The following PARM1 variants were observed in gnomAD, a reference collection of about 807,000 sequenced individuals.
PARM1 encodes the protein WSC4, cell wall integrity and stress response component 4 homolog.
PARM1 carries 14 observed loss-of-function variants against 24.6 expected under a neutral mutation model. The observed-to-expected ratio is 0.57, with a 90% CI of 0.38 to 0.89. The LOEUF (loss-of-function observed/expected upper bound fraction) is 0.89. PARM1 is among the 40% of genes least tolerant of loss of function. The probability of loss-of-function intolerance (pLI) is 0.00; values close to 1 mark genes in which losing one functional copy is unlikely to be tolerated. For synonymous variants in PARM1, 179 were observed against 156.6 expected (o/e 1.14, Z -1.07); for missense variants, 362 against 380.4 (o/e 0.95, Z 0.40).
At chr4:75,020,341 A>T (rs747830821) in intron 2 of PARM1, among the ~76,000 whole-genome samples, 1 of 152,084 alleles carries the variant, frequency 6.6e-6, no homozygotes, top group Non-Finnish European at 1.5e-5. Flanking sequence ...CCATCTTTTC[A>T]GTTCTCTCTC....
intron 1 of PARM1, chr4:74,993,990 G>A (rs1312753693): frequency 6.6e-6 from 1 of 152,136 alleles, no homozygotes; most frequent in Admixed American, 6.6e-5. Flanking sequence ...GTTGATGTAG[G>A]TGTAATTATT....
Position 74,972,079 on chromosome 4 carries a change from G to A in PARM1, c.43+38709G>A, listed in dbSNP as rs112365241. Among the ~76,000 whole-genome samples the A allele has an allele frequency of 3.5e-3, 531 of 152,300 alleles. 3 individuals carry two copies. The highest frequency in any genetic ancestry group is 5.8e-3 in the South Asian group (28 of 4,826). On this transcript the variant is annotated intron_variant, in intron 1 of 3. Transcript: ENST00000307428. ...GAGCAAGGATATTGACAACATGCAC[G>A]CCCTGTCTCTGAGCAGGGAAGGGGT...
chr4:75,041,926 C>T (rs1366656818), intron 3 of PARM1, among the ~76,000 whole-genome samples: 2 of 152,216 alleles, frequency 1.3e-5, no homozygotes, highest in Non-Finnish European at 2.9e-5. Flanking sequence ...CATTGATTAA[C>T]GGGCTGTGAG....
chr4:74,995,838 C>T (rs1722567111), intron 1 of PARM1, among the ~76,000 whole-genome samples: 1 of 152,112 alleles, frequency 6.6e-6, no homozygotes, highest in Non-Finnish European at 1.5e-5. Context: ...CCAAAAGCAT[C>T]AGCTGATCAC....
rs551765788 is a variant in PARM1, at chr4:75,027,511, A to C, written c.770-6372A>C. Reference sequence around the variant, plus strand: ...CCTAGGTTGCAGTGTCTAAGAACTAAGGTTTTCTTTTCTCACTTTCTCTCC... The same window carrying C: ...CCTAGGTTGCAGTGTCTAAGAACTACGGTTTTCTTTTCTCACTTTCTCTCC... On this transcript the variant is annotated intron_variant, in intron 2 of 3. Transcript: ENST00000307428. Among the ~76,000 whole-genome samples, 46 of 152,218 alleles carry C rather than the reference A, an allele frequency of 3.0e-4. No individual in the cohort carries two copies. In the South Asian group the frequency reaches 8.1e-3, roughly 27 times the overall value.
intron 3 of PARM1, among the ~76,000 whole-genome samples, chr4:75,040,482 C>T (rs1045987913): frequency 3.3e-5 from 5 of 152,104 alleles, no homozygotes; most frequent in Admixed American, 2.6e-4. Context: ...GGAAATATTC[C>T]CATCAGTGAG....
intron 1 of PARM1, among the ~76,000 whole-genome samples, chr4:75,000,661 A>C (rs929761266): frequency 9.2e-5 from 14 of 152,234 alleles, no homozygotes; most frequent in African/African-American, 3.4e-4. Flanking sequence ...CTCATTTCAC[A>C]GAACTGCGGC....
intron 1 of PARM1, among the ~76,000 whole-genome samples, chr4:74,980,900 G>A (rs539142456): frequency 6.6e-6 from 1 of 152,146 alleles, no homozygotes; most frequent in African/African-American, 2.4e-5. Flanking sequence ...AAATGGTGCT[G>A]GGAAAACTAG....
chr4:74,952,980 A>G (rs1335271093), intron 1 of PARM1, among the ~76,000 whole-genome samples: 5 of 152,246 alleles, frequency 3.3e-5, no homozygotes, highest in African/African-American at 9.6e-5. Context: ...AACATTCAAT[A>G]GATTAATACA....
rs144769377 is a variant in PARM1 at position 74,935,149 on chromosome 4, A to T, written c.43+1779A>T. Among the ~76,000 whole-genome samples, 673 of 152,190 alleles carry T rather than the reference A, an allele frequency of 4.4e-3. 1 individual carries two copies. The highest frequency in any genetic ancestry group is 0.015 in the African/African-American group (632 of 41,540). ...CTCCTACCCCCACGCACTAATTAGG[A>T]TCAGAGCCCAGATGGTCACAGCCTT... On this transcript the variant is annotated intron_variant, in intron 1 of 3. Transcript: ENST00000307428.
intron 1 of PARM1, among the ~76,000 whole-genome samples, chr4:74,986,386 A>G (rs1722355977): frequency 6.6e-6 from 1 of 152,226 alleles, no homozygotes; most frequent in Non-Finnish European, 1.5e-5. Context: ...AACTCACAAT[A>G]AAATATTTCT....
intron 3 of PARM1, among the ~76,000 whole-genome samples, chr4:75,037,359 G>C (rs894309837): frequency 2.6e-5 from 4 of 152,194 alleles, no homozygotes; most frequent in Non-Finnish European, 5.9e-5. Context: ...CTCTGCAAAT[G>C]CAAGGGGAGA....
chr4:75,040,716 TTG>T (rs1421229118), intron 3 of PARM1, among the ~76,000 whole-genome samples: 1 of 152,220 alleles, frequency 6.6e-6, no homozygotes, highest in Non-Finnish European at 1.5e-5. Flanking sequence ...CGGGAAATCT[TTG>T]TACTATCTTT....
At chr4:74,991,223 AT>A (rs1271434700) in intron 1 of PARM1, among the ~76,000 whole-genome samples, 2 of 152,174 alleles carry the variant, frequency 1.3e-5, no homozygotes, top group East Asian at 3.8e-4. Flanking sequence ...TGATGGAGTA[AT>A]GGAAACCAGA....
intron 1 of PARM1, among the ~76,000 whole-genome samples, chr4:74,945,719 T>TAAGCTCTTCTA (rs1721399494): frequency 1.3e-5 from 2 of 152,196 alleles, no homozygotes; most frequent in Admixed American, 6.5e-5. Context: ...AACATTATTC[T>TAAGCTCTTCTA]AAGCTCTTCT....
intron 1 of PARM1, among the ~76,000 whole-genome samples, chr4:74,980,919 A>G (rs899191726): frequency 2.6e-5 from 4 of 152,358 alleles, no homozygotes. Context: ...AGCTAGCCAT[A>G]TGCAGAAAAT....
chr4:74,936,919 G>A (rs1721206288), intron 1 of PARM1, among the ~76,000 whole-genome samples: 1 of 152,090 alleles, frequency 6.6e-6, no homozygotes, highest in African/African-American at 2.4e-5. Context: ...ACCGCCCTGG[G>A]TCTGCTCTGT....
chr4:74,975,719 A>C lies in PARM1; in HGVS notation c.44-36706A>C, dbSNP rs147304231. Among the ~76,000 whole-genome samples the C allele has an allele frequency of 3.0e-4, 46 of 152,326 alleles. No homozygotes were observed. In the East Asian group the frequency reaches 8.7e-3, roughly 29 times the overall value. ...TCAACCTCACAATGGCTTGAGTTTA[A>C]TTTTTTAATTGAGTCTTGCATTATT... On this transcript the variant is annotated intron_variant, in intron 1 of 3. Transcript: ENST00000307428.
intron 1 of PARM1, among the ~76,000 whole-genome samples, chr4:74,981,440 G>A (rs915033174): frequency 3.9e-5 from 6 of 152,226 alleles, no homozygotes; most frequent in East Asian, 1.9e-4. Context: ...ACAATCTCAC[G>A]CCATTCAGAA....
Sources: allele counts gnomAD v4.1 joint callset (sites outside exome capture counted in the v4.1 genomes callset), GRCh38; gene constraint gnomAD v4.1.1; transcripts MANE v1.5; gene names NCBI Gene and HGNC (gene_info 2026-07-23, HGNC 2026-07-21).